TRIM25: variants seen among roughly 807,000 people sequenced by gnomAD.
TRIM25 encodes the protein E3 ubiquitin/ISG15 ligase TRIM25.
TRIM25 carries 45 observed loss-of-function variants against 65.2 expected under a neutral mutation model. That is an observed-to-expected ratio of 0.69 (90% CI 0.54 to 0.89). The LOEUF is 0.89. Among genes scored for constraint, TRIM25 ranks in the 40% least tolerant of loss-of-function variants. TRIM25 has a pLI of 0.00. For missense variants in TRIM25, 714 were observed against 803.7 expected (o/e 0.89, Z 1.35); for synonymous variants, 321 against 340.4 (o/e 0.94, Z 0.63).
In TRIM25 at chr17:56,913,591, G is replaced by A; in HGVS notation, c.398C>T (p.Pro133Leu). Residue 133 changes from proline to leucine, a missense_variant, in exon 1 of 9, where the codon CCG (proline) becomes CTG (leucine). Pro to Leu is a moderately conservative substitution (Grantham distance 98). Coordinates refer to ENST00000316881, the MANE Select transcript of TRIM25 (RefSeq NM_005082.5). The surrounding 1 kb of genome is among the most constrained non-coding windows in gnomAD (Gnocchi z 6.1). ...CTGGAAGGCGGGGCTGTCGAAGTGC[G>A]GCTGCAGGTGCTCCTGACAGAAGGA... Reference protein sequence around the residue: ...MASFCQEHLQPHFDSPAFQDH... With the variant: ...MASFCQEHLQLHFDSPAFQDH... 1 of 1,610,116 alleles carries A rather than the reference G, an allele frequency of 6.2e-7. No homozygotes were observed.
rs1555606239 is a variant in TRIM25 at position 56,910,168 on chromosome 17, A to AC, written c.598-1606_598-1605insG. 5.5e-3 allele frequency among the ~76,000 whole-genome samples: 836 copies of AC among 152,168 alleles called. 16 individuals carry two copies. The highest frequency in any genetic ancestry group is 0.019 in the African/African-American group (799 of 41,504). ...ATGCTGGAGATTTCTAGAAAAAAAAAATTTCCTTCCCGTAACTAGCAGGCT... is the reference window on the plus strand; with the variant it reads ...ATGCTGGAGATTTCTAGAAAAAAAAACATTTCCTTCCCGTAACTAGCAGGCT... On this transcript the variant is annotated intron_variant, in intron 1 of 8. Transcript: ENST00000316881.
In TRIM25 at chr17:56,895,345, T is replaced by C; in HGVS notation, c.1361A>G (p.Glu454Gly). 4.3e-6 allele frequency: 7 copies of C among 1,613,688 alleles called. No individual in the cohort carries two copies. Among genetic ancestry groups the C allele is most frequent in the Non-Finnish European group, 5.9e-6 (7 of 1,179,756 alleles). ...GCACCAGCCCCGAAGCTACTCACAC[T>C]CCAGGAGCTCAGGTCTGGACTTGGC... ...FLAKSRPELL[E>G]YYIKVILDYN... The change falls in exon 8 of 9, where the codon GAG (glutamate) becomes GGG (glycine). Residue 454 changes from glutamate to glycine, a missense_variant and splice_region_variant. Around this residue, in one of 3 missense-constraint regions of TRIM25, gnomAD observed 413 missense variants for 498.2 expected, o/e 0.83. Coordinates refer to ENST00000316881, the MANE Select transcript of TRIM25 (RefSeq NM_005082.5).
At chr17:56,910,950 A>C (rs1909615811) in intron 1 of TRIM25, among the ~76,000 whole-genome samples, 1 of 152,206 alleles carries the variant, frequency 6.6e-6, no homozygotes, top group South Asian at 2.1e-4. Context: ...TTGGCAGAGG[A>C]AGGCCTGTTG....
Position 56,891,122 on chromosome 17 carries a change from G to T in TRIM25, c.*578C>A, listed in dbSNP as rs1598068920. ...ATTTTCCAGTGGAGGAAGAGGGTAT[G>T]CCTCTTTAGGAAACTGTTCTGGGTA... On this transcript the variant is annotated 3_prime_UTR_variant, in exon 9 of 9. Transcript: ENST00000316881. The T allele has an allele frequency of 2.8e-5, 10 of 361,472 alleles. No individual in the cohort carries two copies. Among genetic ancestry groups the T allele is most frequent in the Middle Eastern group, 8.9e-4 (2 of 2,244 alleles). 22.4% of individuals were successfully genotyped at this position (361,472 alleles called of 1,614,324 possible).
chr17:56,897,668 T>C (rs1329831289), intron 5 of TRIM25, among the ~76,000 whole-genome samples: 5 of 152,128 alleles, frequency 3.3e-5, no homozygotes, highest in Non-Finnish European at 7.4e-5. Context: ...TCCCGAACTT[T>C]ATTCTCCAGG....
At chr17:56,899,959 A>T (rs1389512070) in intron 4 of TRIM25, among the ~76,000 whole-genome samples, 5 of 152,214 alleles carry the variant, frequency 3.3e-5, no homozygotes. Context: ...CACGCCTGTA[A>T]TCCCAGCATT....
chr17:56,896,815 AAATTATTGG>A (rs1909303369), intron 5 of TRIM25, among the ~76,000 whole-genome samples: 1 of 152,090 alleles, frequency 6.6e-6, no homozygotes, highest in Non-Finnish European at 1.5e-5. Context: ...TAAGAAATGC[AAATTATTGG>A]TCAGGCACTG....
Position 56,891,585 on chromosome 17 carries a change from T to A in TRIM25, c.*115A>T. 9.6e-6 allele frequency: 4 copies of A among 417,948 alleles called. No homozygotes were observed. Among genetic ancestry groups the A allele is most frequent in the Non-Finnish European group, 1.3e-5 (3 of 228,590 alleles). The allele number at this position is 417,948 out of a possible 1,614,324, so 25.9% of individuals were successfully genotyped here. On this transcript the variant is annotated 3_prime_UTR_variant, in exon 9 of 9. Transcript: ENST00000316881. ...CACCCTCCCGCCAGCTCCCCTCCCA[T>A]GCTCCCAATCCTTGGGACCTCTTGG...
At chr17:56,912,834 T>C (rs1396423570) in intron 1 of TRIM25, 2 of 152,190 alleles carry the variant, frequency 1.3e-5, no homozygotes, top group African/African-American at 4.8e-5. Flanking sequence ...CAAAACCCTC[T>C]ACTAAACACC....
chr17:56,893,392 C>T (rs1325378738), intron 8 of TRIM25, among the ~76,000 whole-genome samples: 1 of 152,190 alleles, frequency 6.6e-6, no homozygotes, highest in African/African-American at 2.4e-5. Flanking sequence ...AAAGACGTGG[C>T]TCAGCACCGC....
chr17:56,899,773 A>T (rs1909373429), intron 4 of TRIM25, among the ~76,000 whole-genome samples: 1 of 152,230 alleles, frequency 6.6e-6, no homozygotes, highest in African/African-American at 2.4e-5. Flanking sequence ...GCACTAGGGA[A>T]ATAGCGTTGA....
chr17:56,894,745 G>C (rs1326999737), intron 8 of TRIM25, among the ~76,000 whole-genome samples: 2 of 152,212 alleles, frequency 1.3e-5, no homozygotes, highest in Admixed American at 6.5e-5. Flanking sequence ...AGATTCCAGA[G>C]AGCGTGTGGG....
intron 6 of TRIM25, 26 bp downstream of exon 6, chr17:56,895,900 A>C (rs1723380101): frequency 6.2e-7 from 1 of 1,609,574 alleles, no homozygotes; most frequent in Non-Finnish European, 8.5e-7. Context: ...TCAAGAAACG[A>C]ACAGTTGCAG....
chr17:56,893,651 A>G (rs1250291073), intron 8 of TRIM25, among the ~76,000 whole-genome samples: 1 of 152,230 alleles, frequency 6.6e-6, no homozygotes, highest in African/African-American at 2.4e-5. Flanking sequence ...GTGGGTGCAG[A>G]AGAAACAAGA....
At position 56,913,594 on chromosome 17, in the gene TRIM25, T is replaced by C; in HGVS notation, c.395A>G (p.Gln132Arg). 1.2e-6 allele frequency: 2 copies of C among 1,610,210 alleles called. No individual in the cohort carries two copies. The highest frequency in any genetic ancestry group is 3.4e-5 in the Admixed American group (2 of 59,656). Reference protein sequence around the residue: ...CMASFCQEHLQPHFDSPAFQD... With the variant: ...CMASFCQEHLRPHFDSPAFQD... ...GAAGGCGGGGCTGTCGAAGTGCGGCTGCAGGTGCTCCTGACAGAAGGAGGC... is the reference window on the plus strand; with the variant it reads ...GAAGGCGGGGCTGTCGAAGTGCGGCCGCAGGTGCTCCTGACAGAAGGAGGC... Residue 132 changes from glutamine (Q) to arginine (R), a missense_variant, in exon 1 of 9, where the codon CAG (glutamine) becomes CGG (arginine). Gln to Arg is a conservative substitution (Grantham distance 43). Around this residue, in one of 3 missense-constraint regions of TRIM25, gnomAD observed 291 missense variants for 281.8 expected, o/e 1.03. Transcript: ENST00000316881. This position sits in a 1 kb window ranked among gnomAD's most constrained non-coding sequence, Gnocchi z 6.1.
Position 56,913,323 on chromosome 17 carries a change from C to G in TRIM25, c.597+69G>C, listed in dbSNP as rs1282345072. ...GGGCGTCCAGAGTGTGGCAGAGAGG[C>G]CCCCGGTGGCCCCTCTGCACCACCC... On this transcript the variant is annotated intron_variant, in intron 1 of 8. Transcript: ENST00000316881. The surrounding 1 kb of genome is among the most constrained non-coding windows in gnomAD (Gnocchi z 6.1). 7.1e-7 allele frequency: 1 copy of G among 1,413,654 alleles called. No individual in the cohort carries two copies. Among genetic ancestry groups the G allele is most frequent in the Non-Finnish European group, 9.5e-7 (1 of 1,056,882 alleles). 87.6% of individuals were successfully genotyped at this position (1,413,654 alleles called of 1,614,324 possible). A position where few individuals can be genotyped will look rare whatever the true frequency, so the allele number is the denominator to read the frequency against.
Position 56,904,465 on chromosome 17 carries a change from C to T in TRIM25, c.717G>A (p.Glu239=), listed in dbSNP as rs751594869. ...DVRMTANRKV[E]QLQQEYTEMK... Reference sequence around the variant, plus strand: ...TTTCCGTGTATTCTTGTTGTAGCTGCTCCACCTTTCTGTTTGCAGTCATCT... The same window carrying T: ...TTTCCGTGTATTCTTGTTGTAGCTGTTCCACCTTTCTGTTTGCAGTCATCT... Residue 239 remains glutamate (E), a synonymous_variant, in exon 3 of 9, where the codon GAG becomes GAA. Transcript: ENST00000316881. 1 of 1,614,176 alleles carries T rather than the reference C, an allele frequency of 6.2e-7. No individual in the cohort carries two copies. Among genetic ancestry groups the T allele is most frequent in the Non-Finnish European group, 8.5e-7 (1 of 1,180,024 alleles).
chr17:56,896,516 A>G (rs927353508), intron 5 of TRIM25, among the ~76,000 whole-genome samples: 3 of 151,876 alleles, frequency 2.0e-5, no homozygotes, highest in Non-Finnish European at 4.4e-5. Context: ...AAAAAAAAGA[A>G]AAAACTAGCC....
intron 1 of TRIM25, chr17:56,912,638 T>C (rs1011390033): frequency 6.6e-6 from 1 of 152,298 alleles, no homozygotes. Context: ...ATGCAAACTA[T>C]GAAATCGAAC....
Sources: allele counts gnomAD v4.1 joint callset (sites outside exome capture counted in the v4.1 genomes callset), GRCh38; gene constraint gnomAD v4.1.1; regional missense constraint gnomAD v4.1.1; non-coding constraint Gnocchi (gnomAD v3.1); transcripts MANE v1.5; gene names NCBI Gene and HGNC (gene_info 2026-07-23, HGNC 2026-07-21).